Variants in ABCA5 observed in about 807,000 individuals in gnomAD.
ABCA5 encodes cholesterol transporter ABCA5.
A neutral mutation model predicts 206.0 loss-of-function variants in ABCA5; 163 were observed. That is an observed-to-expected ratio of 0.79 (90% CI 0.70 to 0.90). ABCA5 has a LOEUF of 0.90. Ranked by LOEUF, ABCA5 falls within the 40% of genes least tolerant of loss-of-function variation. The pLI is 0.00. For missense variants in ABCA5, 1,859 were observed against 1,912.9 expected (o/e 0.97, Z 0.53); for synonymous variants, 609 against 613.8 (o/e 0.99, Z 0.11).
In ABCA5 at chr17:69,303,044, C is replaced by T. The variant is rs140443300; in HGVS notation, c.931-138G>A. ...AAAATACAACTATAATTTCTAAATG[C>T]TATGGTATTTTATTTTCAAACAAAT... On this transcript the variant is annotated intron_variant, in intron 7 of 38. Coordinates refer to ENST00000392676, the MANE Select transcript of ABCA5 (RefSeq NM_172232.4). 2.6e-3 allele frequency: 1,253 copies of T among 480,506 alleles called. 15 individuals are homozygous for T. The highest frequency in any genetic ancestry group is 0.022 in the African/African-American group (1,103 of 49,646). 29.8% of individuals were successfully genotyped at this position (480,506 alleles called of 1,614,324 possible).
At chr17:69,271,591 T>TATATACAC (rs1159654934) in intron 20 of ABCA5, among the ~76,000 whole-genome samples, 1 of 152,134 alleles carries the variant, frequency 6.6e-6, no homozygotes, top group Non-Finnish European at 1.5e-5. Context: ...AATGACTGAA[T>TATATACAC]ATATACACAG....
intron 21 of ABCA5, 135 bp downstream of exon 21, chr17:69,271,027 G>A (rs2075267728): frequency 1.8e-6 from 2 of 1,088,774 alleles, no homozygotes; most frequent in South Asian, 2.0e-5. Context: ...CATAAATAAA[G>A]ACAGCTAGTT....
intron 3 of ABCA5, among the ~76,000 whole-genome samples, chr17:69,312,543 C>G (rs1379887798): frequency 6.6e-6 from 1 of 152,158 alleles, no homozygotes; most frequent in African/African-American, 2.4e-5. Context: ...GACTGCTTTA[C>G]AGTCTTTATC....
intron 10 of ABCA5, among the ~76,000 whole-genome samples, chr17:69,295,666 T>C (rs1944647279): frequency 6.6e-6 from 1 of 152,220 alleles, no homozygotes; most frequent in Non-Finnish European, 1.5e-5. Flanking sequence ...GTCAATATTG[T>C]GTACATTAAG....
In ABCA5 at chr17:69,250,624, G is replaced by A. The variant is rs571588399; in HGVS notation, c.4536-3C>T. The A allele has an allele frequency of 1.3e-6, 2 of 1,533,884 alleles. No homozygotes were observed. The highest frequency in any genetic ancestry group is 2.6e-5 in the South Asian group (2 of 78,158). ...GATGTTGTACTGTTCCGATACATCT[G>A]AAGTAATTTTTTAAAAGAAAGCTCA... On this transcript the variant is annotated splice_region_variant and splice_polypyrimidine_tract_variant and intron_variant, in intron 35 of 38. Transcript: ENST00000392676.
At chr17:69,260,282 A>C (rs2075132434) in intron 27 of ABCA5, 56 bp downstream of exon 27, 2 of 1,323,620 alleles carry the variant, frequency 1.5e-6, no homozygotes, top group South Asian at 2.7e-5. Context: ...TTAAAACCAT[A>C]GGACCAAACC....
chr17:69,283,054 A>G (rs1031566452), intron 18 of ABCA5, among the ~76,000 whole-genome samples: 14 of 138,354 alleles, frequency 1.0e-4, no homozygotes, highest in African/African-American at 3.5e-4. Flanking sequence ...TGGTGCAATC[A>G]TGGCTCACTG....
chr17:69,255,817 C>A lies in ABCA5; in HGVS notation c.3892G>T (p.Glu1298Ter). Residue 1298 changes from glutamate to a stop codon, truncating the protein, a stop_gained, in exon 30 of 39, where the codon GAA becomes TAA. Coordinates refer to ENST00000392676, the MANE Select transcript of ABCA5 (RefSeq NM_172232.4). LOFTEE classifies it high-confidence loss of function. ...PSIMVSNLHK[E>*]YDDKKDFLLS... ...AGAAAATCTTTCTTGTCATCATATT[C>A]TTTATGCAAATTGCTGACCATAATG... is the stretch of plus-strand genomic sequence containing the variant. 1 of 1,586,422 alleles carries A rather than the reference C, an allele frequency of 6.3e-7. No individual in the cohort carries two copies. Among genetic ancestry groups the A allele is most frequent in the South Asian group, 1.2e-5 (1 of 85,948 alleles).
chr17:69,305,906 CAAAT>C (rs944108138), intron 6 of ABCA5, among the ~76,000 whole-genome samples: 6 of 151,854 alleles, frequency 4.0e-5, no homozygotes, highest in Non-Finnish European at 1.5e-5. Flanking sequence ...TCTAAAATAA[CAAAT>C]GAAAGAAAAA....
At chr17:69,298,229 T>TAGGAAGGA (rs1190899981) in intron 9 of ABCA5, among the ~76,000 whole-genome samples, 55 of 33,494 alleles carry the variant, frequency 1.6e-3, no homozygotes, top group African/African-American at 4.6e-3. Context: ...GGAAGGTAGG[T>TAGGAAGGA]AGGAAGGAAG....
rs142323636 is a variant in ABCA5 at position 69,277,060 on chromosome 17, A to C, written c.2594+581T>G. Among the ~76,000 whole-genome samples, 201 of 152,346 alleles carry C rather than the reference A, an allele frequency of 1.3e-3. 2 individuals are homozygous for C. Among genetic ancestry groups the C allele is most frequent in the African/African-American group, 4.7e-3 (196 of 41,578 alleles). On this transcript the variant is annotated intron_variant, in intron 19 of 38. Coordinates refer to ENST00000392676, the MANE Select transcript of ABCA5 (RefSeq NM_172232.4). ...AAGTGGTTAATGTTATTTCCAAATT[A>C]TTCAGTTCCTAGTACCCTAGGAGAA...
chr17:69,266,802 ATATG>A (rs1253205419), intron 23 of ABCA5, among the ~76,000 whole-genome samples: 1 of 147,602 alleles, frequency 6.8e-6, no homozygotes, highest in Non-Finnish European at 1.5e-5. Context: ...AAAAATAGAG[ATATG>A]TGTTACTTTT....
Position 69,251,844 on chromosome 17 carries a change from T to C in ABCA5, c.4438A>G (p.Lys1480Glu), listed in dbSNP as rs763822136. The change falls in exon 35 of 39, where the codon AAA (lysine) becomes GAA (glutamate). Residue 1480 changes from lysine to glutamate, a missense_variant. Physicochemically the swap from Lys to Glu is moderately conservative, Grantham distance 56. Transcript: ENST00000392676. ...HMWRAIRTAF[K>E]NRKRAAILTT... is the part of the protein sequence containing the mutation. The stretch of plus-strand genomic sequence containing the variant: ...AGAATAGCAGCCCGCTTTCTGTTTT[T>C]AAATGCAGTTCGAATTGCTCGCCTA... 1 of 1,613,758 alleles carries C rather than the reference T, an allele frequency of 6.2e-7. No individual in the cohort carries two copies. The highest frequency in any genetic ancestry group is 1.1e-5 in the South Asian group (1 of 90,954).
At chr17:69,309,041 G>A (rs943717415) in intron 4 of ABCA5, among the ~76,000 whole-genome samples, 1 of 151,908 alleles carries the variant, frequency 6.6e-6, no homozygotes, top group Non-Finnish European at 1.5e-5. Context: ...ATATATAAAT[G>A]TATTAAATCA....
chr17:69,277,122 A>G (rs1361340224), intron 19 of ABCA5, among the ~76,000 whole-genome samples: 1 of 152,200 alleles, frequency 6.6e-6, no homozygotes, highest in Non-Finnish European at 1.5e-5. Context: ...TTGAGATGTC[A>G]TTTTGATCCC....
Position 69,279,320 on chromosome 17 carries a change from T to TA in ABCA5, c.2393-1479dup, listed in dbSNP as rs1268530315. ...GAATAAAATACCTAGGAATCCAACT[T>TA]ACGAGGGATGTGAAGGACCTCTTCA... On this transcript the variant is annotated intron_variant, in intron 18 of 38. Transcript: ENST00000392676. Among the ~76,000 whole-genome samples, 19 of 152,192 alleles carry TA rather than the reference T, an allele frequency of 1.2e-4. 1 individual carries two copies. In the South Asian group the frequency reaches 3.5e-3, roughly 28 times the overall value.
At chr17:69,310,820 T>C (rs1256667164) in intron 3 of ABCA5, among the ~76,000 whole-genome samples, 3 of 152,236 alleles carry the variant, frequency 2.0e-5, no homozygotes, top group Non-Finnish European at 2.9e-5. Flanking sequence ...CTTCAGACTT[T>C]AGTGTCCTCA....
At position 69,279,936 on chromosome 17, in the gene ABCA5, G is replaced by T. The variant is rs549596330; in HGVS notation, c.2393-2094C>A. Among the ~76,000 whole-genome samples, 1,038 of 152,278 alleles carry T rather than the reference G, an allele frequency of 6.8e-3. 5 individuals are homozygous for T. Among genetic ancestry groups the T allele is most frequent in the African/African-American group, 0.023 (965 of 41,550 alleles). On this transcript the variant is annotated intron_variant, in intron 18 of 38. Transcript: ENST00000392676. Reference sequence around the variant, plus strand: ...ACCTAAAACCATAAAAACCCTAGAAGAAAACCTAGGCATTACCATTCAGGA... The same window carrying T: ...ACCTAAAACCATAAAAACCCTAGAATAAAACCTAGGCATTACCATTCAGGA...
chr17:69,316,300 C>T (rs2075815055), intron 1 of ABCA5, among the ~76,000 whole-genome samples: 1 of 152,134 alleles, frequency 6.6e-6, no homozygotes, highest in Non-Finnish European at 1.5e-5. Flanking sequence ...CAAGACCAGC[C>T]TGGCCAACAT....
Sources: gnomAD v4.1 joint callset for allele counts (sites outside exome capture counted in the v4.1 genomes callset) on GRCh38, gnomAD v4.1.1 for gene constraint, MANE v1.5 for transcripts, NCBI Gene and HGNC (gene_info 2026-07-23, HGNC 2026-07-21) for gene names.